Variants in SRGAP2C observed in about 807,000 individuals in gnomAD.
SRGAP2C encodes the protein SLIT-ROBO Rho GTPase-activating protein 2C.
Under a neutral mutation model 25.1 loss-of-function variants are expected in SRGAP2C, and 15 were observed. That is an observed-to-expected ratio of 0.60 (90% CI 0.40 to 0.92). The LOEUF is 0.92. Among genes scored for constraint, SRGAP2C ranks in the 40% least tolerant of loss-of-function variants. The probability of loss-of-function intolerance (pLI) is 0.00; values close to 1 mark genes in which losing one functional copy is unlikely to be tolerated. For synonymous variants in SRGAP2C, 44 were observed against 96.6 expected (o/e 0.46, Z 3.19); for missense variants, 144 against 264.4 (o/e 0.54, Z 3.16).
chr1:121,198,998 GAAC>G (rs1654913635), intron 2 of SRGAP2C, among the ~76,000 whole-genome samples: 1 of 152,114 alleles, frequency 6.6e-6, no homozygotes, highest in Non-Finnish European at 1.5e-5. Flanking sequence ...TGTAAGATGG[GAAC>G]AACAATTCTT....
At chr1:121,273,863 G>A (rs1444830648) in intron 2 of SRGAP2C, among the ~76,000 whole-genome samples, 1 of 151,856 alleles carries the variant, frequency 6.6e-6, no homozygotes, top group Admixed American at 6.6e-5. Context: ...GAAAGCCTGG[G>A]TGGGATTGAG....
chr1:121,222,875 C>T (rs1655566683), intron 2 of SRGAP2C, among the ~76,000 whole-genome samples: 1 of 150,740 alleles, frequency 6.6e-6, no homozygotes, highest in Non-Finnish European at 1.5e-5. Flanking sequence ...CTTCCTCTGA[C>T]TTACATAATA....
intron 3 of SRGAP2C, among the ~76,000 whole-genome samples, chr1:121,322,214 T>A (rs1553341203): frequency 0.013 from 1,900 of 147,020 alleles, 22 homozygotes; most frequent in Non-Finnish European, 0.019. Context: ...ATCTGCCCCT[T>A]TAAAAAGCAT....
rs587764280 is a variant in SRGAP2C, at chr1:121,357,227, G to A, written c.424-8066G>A. On this transcript the variant is annotated intron_variant, in intron 4 of 9. Coordinates refer to ENST00000367123, the MANE Select transcript of SRGAP2C (RefSeq NM_001329984.2). ...AAAAGCCGTAAGGAAATGGCTTTCAGAAAGCCATTTCTGTCCTAGAGGAGA... is the reference window on the plus strand; with the variant it reads ...AAAAGCCGTAAGGAAATGGCTTTCAAAAAGCCATTTCTGTCCTAGAGGAGA... 4.2e-5 allele frequency among the ~76,000 whole-genome samples: 6 copies of A among 141,192 alleles called. No individual in the cohort carries two copies. The South Asian group carries it at 1.4e-3, about 33-fold the overall frequency. The allele number at this position is 141,192 out of a possible 152,430, so 92.6% of individuals were successfully genotyped here. A position where few individuals can be genotyped will look rare whatever the true frequency, so the allele number is the denominator to read the frequency against.
chr1:121,222,650 C>T (rs1490498225), intron 2 of SRGAP2C, among the ~76,000 whole-genome samples: 3 of 151,968 alleles, frequency 2.0e-5, no homozygotes, highest in Admixed American at 6.6e-5. Context: ...CAAAAAAACC[C>T]CTAAAAAACA....
chr1:121,222,238 G>A (rs587745006), intron 2 of SRGAP2C, among the ~76,000 whole-genome samples: 1 of 152,286 alleles, frequency 6.6e-6, no homozygotes, highest in South Asian at 2.1e-4. Context: ...GGATCCCAAA[G>A]TCTGCCTCTA....
chr1:121,285,310 GTTA>G (rs1657335040), intron 3 of SRGAP2C, among the ~76,000 whole-genome samples: 1 of 149,736 alleles, frequency 6.7e-6, no homozygotes, highest in Non-Finnish European at 1.5e-5. Context: ...GATGGTTATT[GTTA>G]TTATCCCCAA....
Position 121,238,095 on chromosome 1 carries a change from A to T in SRGAP2C, c.68-46708A>T, listed in dbSNP as rs1656002476. Among the ~76,000 whole-genome samples, 3 of 109,982 alleles carry T rather than the reference A, an allele frequency of 2.7e-5. No homozygotes were observed. The Admixed American group carries it at 2.8e-4, about 10-fold the overall frequency. 72.2% of individuals were successfully genotyped at this position (109,982 alleles called of 152,430 possible). ...TTTACCAGAGCTGATCACAGGAAAC[A>T]GCATGATAGATTTGCATGACCTAGC... On this transcript the variant is annotated intron_variant, in intron 2 of 9. Coordinates refer to ENST00000367123, the MANE Select transcript of SRGAP2C (RefSeq NM_001329984.2).
At chr1:121,353,106 G>T (rs1423975632) in intron 4 of SRGAP2C, among the ~76,000 whole-genome samples, 24 of 148,006 alleles carry the variant, frequency 1.6e-4, no homozygotes, top group African/African-American at 6.0e-4. Context: ...AAAGAAAAAA[G>T]AAAAAAAATA....
chr1:121,293,713 T>C (rs1657537204), intron 3 of SRGAP2C, among the ~76,000 whole-genome samples: 1 of 150,208 alleles, frequency 6.7e-6, no homozygotes, highest in South Asian at 2.2e-4. Context: ...TAGTTCATTC[T>C]CTGCCCAGAA....
chr1:121,353,142 A>T (rs1226217100), intron 4 of SRGAP2C, among the ~76,000 whole-genome samples: 1 of 145,712 alleles, frequency 6.9e-6, no homozygotes, highest in Non-Finnish European at 1.5e-5. Context: ...AATCACTGTT[A>T]AAAACAACAC....
At chr1:121,314,461 A>G (rs1356085280) in intron 3 of SRGAP2C, among the ~76,000 whole-genome samples, 3 of 152,106 alleles carry the variant, frequency 2.0e-5, no homozygotes, top group African/African-American at 4.8e-5. Flanking sequence ...TTGTTCCGTT[A>G]CTGGTGAGAA....
chr1:121,258,285 G>A (rs1656527792), intron 2 of SRGAP2C, among the ~76,000 whole-genome samples: 1 of 151,792 alleles, frequency 6.6e-6, no homozygotes, highest in South Asian at 2.1e-4. Context: ...GATGGATGAG[G>A]AGTCTTCTTT....
chr1:121,359,799 AAAG>A (rs1553348222), intron 4 of SRGAP2C, among the ~76,000 whole-genome samples: 15 of 152,352 alleles, frequency 9.8e-5, no homozygotes, highest in East Asian at 1.9e-4. Context: ...GAAAAGAAAA[AAAG>A]AAGATAAAAG....
chr1:121,364,000 T>A (rs1457011158), intron 4 of SRGAP2C, among the ~76,000 whole-genome samples: 1 of 151,384 alleles, frequency 6.6e-6, no homozygotes, highest in South Asian at 2.1e-4. Flanking sequence ...AGTAGAGATG[T>A]ATGTACCTTG....
intron 7 of SRGAP2C, among the ~76,000 whole-genome samples, chr1:121,379,317 A>G (rs1426528602): frequency 2.6e-5 from 4 of 151,510 alleles, no homozygotes; most frequent in African/African-American, 9.7e-5. Flanking sequence ...GTCATCATAC[A>G]TCTGGATGGG....
Position 121,300,304 on chromosome 1 carries a change from T to C in SRGAP2C, c.260+15309T>C, listed in dbSNP as rs1474120569. The stretch of plus-strand genomic sequence containing the variant: ...TGCTTCTGGTGAGGCCTCAGGGAGC[T>C]TACAATCATGGCAGAAGGCACCGGG... On this transcript the variant is annotated intron_variant, in intron 3 of 9. Transcript: ENST00000367123. Among the ~76,000 whole-genome samples, 7 of 87,410 alleles carry C rather than the reference T, an allele frequency of 8.0e-5. 3 individuals are homozygous for C. Among genetic ancestry groups the C allele is most frequent in the African/African-American group, 2.9e-4 (7 of 24,152 alleles). The allele number at this position is 87,410 out of a possible 152,430, so 57.3% of individuals were successfully genotyped here. A position where few individuals can be genotyped will look rare whatever the true frequency, so the allele number is the denominator to read the frequency against.
intron 2 of SRGAP2C, among the ~76,000 whole-genome samples, chr1:121,236,115 A>G (rs112606893): frequency 1.4e-5 from 2 of 146,468 alleles, no homozygotes; most frequent in African/African-American, 2.5e-5. Context: ...TGCACCATAC[A>G]TGGAGTCAGC....
In SRGAP2C at chr1:121,288,761, G is replaced by C. The variant is rs1274427708; in HGVS notation, c.260+3766G>C. Among the ~76,000 whole-genome samples the C allele has an allele frequency of 1.2e-3, 69 of 56,984 alleles. 14 individuals are homozygous for C. The highest frequency in any genetic ancestry group is 1.8e-3 in the Non-Finnish European group (53 of 28,722). The allele number at this position is 56,984 out of a possible 152,430, so 37.4% of individuals were successfully genotyped here. On this transcript the variant is annotated intron_variant, in intron 3 of 9. Coordinates refer to ENST00000367123, the MANE Select transcript of SRGAP2C (RefSeq NM_001329984.2). Reference sequence around the variant, plus strand: ...CCAGAGCAGCTAGATACAGAGTGTCGATTGGTGCACTCACAAATCTTGAGC... The same window carrying C: ...CCAGAGCAGCTAGATACAGAGTGTCCATTGGTGCACTCACAAATCTTGAGC...
Sources: gnomAD v4.1 joint callset for allele counts (sites outside exome capture counted in the v4.1 genomes callset) on GRCh38, gnomAD v4.1.1 for gene constraint, MANE v1.5 for transcripts, NCBI Gene and HGNC (gene_info 2026-07-23, HGNC 2026-07-21) for gene names.